Variants in MSRA observed in about 807,000 individuals in gnomAD.
MSRA encodes methionine sulfoxide reductase A.
MSRA carries 54 observed loss-of-function variants against 31.3 expected under a neutral mutation model. That is an observed-to-expected ratio of 1.73 (90% CI 1.39 to 2.17). The LOEUF (loss-of-function observed/expected upper bound fraction) is 2.17, where lower values mean the gene tolerates loss of function less well. Ranked by LOEUF, MSRA falls within the 30% of genes most tolerant of loss-of-function variation. The pLI, the probability that MSRA is intolerant of heterozygous loss-of-function variation, is 0.00. For synonymous variants in MSRA, 169 were observed against 116.5 expected, an observed-to-expected ratio of 1.45 and a Z score of -2.90; for missense variants, 507 against 300.9, an observed-to-expected ratio of 1.69 and a Z score of -5.07.
At chr8:10,317,942 A>T (rs1302494175) in intron 4 of MSRA, among the ~76,000 whole-genome samples, 1 of 151,998 alleles carries the variant, frequency 6.6e-6, no homozygotes, top group Non-Finnish European at 1.5e-5. Flanking sequence ...CTATGTGGTT[A>T]CACGCCCAAC....
At chr8:10,320,238 G>C (rs1014924322) in intron 5 of MSRA, 1 of 287,624 alleles carries the variant, frequency 3.5e-6, no homozygotes, top group African/African-American at 2.2e-5. Flanking sequence ...GGGGGCCGAA[G>C]CAGAAGGATA....
intron 1 of MSRA, 74 bp downstream of exon 1, chr8:10,054,732 C>G (rs550979515): frequency 2.7e-5 from 37 of 1,378,564 alleles, no homozygotes; most frequent in South Asian, 5.2e-5. Flanking sequence ...GCAGCGCGCC[C>G]GCTGCCCGGA....
chr8:10,423,145 C>T (rs564327469), intron 5 of MSRA, among the ~76,000 whole-genome samples: 10 of 152,276 alleles, frequency 6.6e-5, no homozygotes, highest in Admixed American at 6.5e-4. Context: ...CCATGGACGA[C>T]GGGAGAGGGG....
intron 3 of MSRA, among the ~76,000 whole-genome samples, chr8:10,295,889 G>A (rs893732179): frequency 1.3e-5 from 2 of 152,256 alleles, no homozygotes; most frequent in South Asian, 2.1e-4. Flanking sequence ...CCTCTCCAGG[G>A]AGGCAAGATT....
chr8:10,113,945 C>T (rs368869065), intron 1 of MSRA, among the ~76,000 whole-genome samples: 1 of 152,062 alleles, frequency 6.6e-6, no homozygotes, highest in Non-Finnish European at 1.5e-5. Flanking sequence ...AACTCCATAC[C>T]CTTTAGCACT....
intron 5 of MSRA, among the ~76,000 whole-genome samples, chr8:10,387,547 T>C (rs1410195805): frequency 6.6e-6 from 1 of 152,180 alleles, no homozygotes; most frequent in Non-Finnish European, 1.5e-5. Flanking sequence ...GAGAAATGAA[T>C]GAGCCCAAAG....
chr8:10,143,155 T>C (rs942665884), intron 1 of MSRA, among the ~76,000 whole-genome samples: 4 of 152,188 alleles, frequency 2.6e-5, no homozygotes, highest in African/African-American at 9.7e-5. Context: ...CGTTTTGGTT[T>C]GTCCTCTTCT....
At chr8:10,127,151 A>T (rs1210886243) in intron 1 of MSRA, among the ~76,000 whole-genome samples, 2 of 152,178 alleles carry the variant, frequency 1.3e-5, no homozygotes, top group Non-Finnish European at 2.9e-5. Context: ...TCTCTGTAGG[A>T]TATCTGTTGA....
At chr8:10,126,337 C>G (rs956468355) in intron 1 of MSRA, among the ~76,000 whole-genome samples, 1 of 152,026 alleles carries the variant, frequency 6.6e-6, no homozygotes, top group Admixed American at 6.5e-5. Flanking sequence ...ACCTGAAATG[C>G]AAAGGAAGTA....
rs558138100 is a variant in MSRA at position 10,346,651 on chromosome 8, G to A, written c.543+26662G>A. Among the ~76,000 whole-genome samples the A allele has an allele frequency of 7.9e-5, 12 of 152,342 alleles. No homozygotes were observed. In the South Asian group the frequency reaches 2.5e-3, roughly 32 times the overall value. ...TTCAAGTATGTCCTGATTGGAGGCT[G>A]TTGGCCTGGGGAAGTTGCAGACAGG... On this transcript the variant is annotated intron_variant, in intron 5 of 5. Coordinates refer to ENST00000317173, the MANE Select transcript of MSRA (RefSeq NM_012331.5).
chr8:10,425,071 C>G (rs1390435889), intron 5 of MSRA, among the ~76,000 whole-genome samples: 1 of 152,116 alleles, frequency 6.6e-6, no homozygotes, highest in Non-Finnish European at 1.5e-5. Context: ...TAGATGTGAC[C>G]TTCCGTGGTC....
chr8:10,077,182 A>G (rs1585097817), intron 1 of MSRA, among the ~76,000 whole-genome samples: 3 of 152,240 alleles, frequency 2.0e-5, no homozygotes, highest in South Asian at 2.1e-4. Context: ...GGCCACAGCC[A>G]TTGCATTTGA....
chr8:10,417,581 TGC>T (rs1264781511), intron 5 of MSRA, among the ~76,000 whole-genome samples: 1 of 152,176 alleles, frequency 6.6e-6, no homozygotes, highest in African/African-American at 2.4e-5. Flanking sequence ...CAGGAGCCTC[TGC>T]CCAGCTCAGA....
Position 10,416,644 on chromosome 8 carries a change from A to T in MSRA, c.544-11504A>T, listed in dbSNP as rs545409118. On this transcript the variant is annotated intron_variant, in intron 5 of 5. Transcript: ENST00000317173. ...AGGTCCCGTGGGTGACCTGACTTCA[A>T]AAGGAGGGTGAGGGAGTTGGAGAGC... Among the ~76,000 whole-genome samples, 5 of 152,346 alleles carry T rather than the reference A, an allele frequency of 3.3e-5. No homozygotes were observed. In the East Asian group the frequency reaches 9.6e-4, roughly 29 times the overall value.
At chr8:10,143,736 C>T (rs1802900860) in intron 1 of MSRA, among the ~76,000 whole-genome samples, 1 of 152,186 alleles carries the variant, frequency 6.6e-6, no homozygotes, top group Admixed American at 6.5e-5. Context: ...TCCAATCACC[C>T]TGTGCCCATG....
At chr8:10,272,665 T>TA (rs1271541658) in intron 3 of MSRA, among the ~76,000 whole-genome samples, 1 of 152,050 alleles carries the variant, frequency 6.6e-6, no homozygotes, top group Non-Finnish European at 1.5e-5. Flanking sequence ...CCCTCACTCT[T>TA]ACTCGCGCTT....
chr8:10,414,115 C>T (rs1459033496), intron 5 of MSRA, among the ~76,000 whole-genome samples: 5 of 151,804 alleles, frequency 3.3e-5, no homozygotes, highest in Admixed American at 6.6e-5. Flanking sequence ...TGCAGTGAGC[C>T]GTGATCGTGC....
At chr8:10,293,761 C>T (rs1257738922) in intron 3 of MSRA, among the ~76,000 whole-genome samples, 2 of 152,144 alleles carry the variant, frequency 1.3e-5, no homozygotes, top group Non-Finnish European at 2.9e-5. Context: ...CCTTCCCCTT[C>T]TCTTCCTCCT....
chr8:10,288,585 T>A (rs1312321709), intron 3 of MSRA, among the ~76,000 whole-genome samples: 1 of 152,210 alleles, frequency 6.6e-6, no homozygotes, highest in Non-Finnish European at 1.5e-5. Flanking sequence ...TTTGGCACTG[T>A]CTAGGAGGCA....
Sources: gnomAD v4.1 joint callset for allele counts (sites outside exome capture counted in the v4.1 genomes callset) on GRCh38, gnomAD v4.1.1 for gene constraint, MANE v1.5 for transcripts, NCBI Gene and HGNC (gene_info 2026-07-23, HGNC 2026-07-21) for gene names.